Variants in DCP1B observed in about 807,000 individuals in gnomAD.
DCP1B encodes the protein decapping mRNA 1B.
In DCP1B, 47 loss-of-function variants were observed where a neutral mutation model predicts 60.5. The observed-to-expected ratio is 0.78, with a 90% CI of 0.61 to 0.99. The LOEUF is 0.99. Among genes scored for constraint, DCP1B ranks in the 50% least tolerant of loss-of-function variants. The pLI, the probability that DCP1B is intolerant of heterozygous loss-of-function variation, is 0.00. For synonymous variants in DCP1B, 267 were observed against 280.3 expected (o/e 0.95, Z 0.47); for missense variants, 725 against 756.8 (o/e 0.96, Z 0.49).
At position 1,968,410 on chromosome 12, in the gene DCP1B, G is replaced by A. The variant is rs115317082; in HGVS notation, c.320-500C>T. On this transcript the variant is annotated intron_variant, in intron 3 of 8. Transcript: ENST00000280665. ...CCACAGAGAAATCCGTGGTGGTTTTGTGCAAAGACGCGCACCCACACACAT... is the reference window on the plus strand; with the variant it reads ...CCACAGAGAAATCCGTGGTGGTTTTATGCAAAGACGCGCACCCACACACAT... Among the ~76,000 whole-genome samples, 1,134 of 149,630 alleles carry A rather than the reference G, an allele frequency of 7.6e-3. 11 individuals carry two copies. The highest frequency in any genetic ancestry group is 0.026 in the African/African-American group (1,074 of 40,802).
intron 3 of DCP1B, among the ~76,000 whole-genome samples, chr12:1,983,445 G>A (rs1348266209): frequency 6.6e-6 from 1 of 151,884 alleles, no homozygotes; most frequent in African/African-American, 2.4e-5. Context: ...TTGTTATTCA[G>A]TTCAAATGTT....
At chr12:1,941,672 T>C (rs2030282295), downstream of DCP1B, among the ~76,000 whole-genome samples, 1 of 152,222 alleles carries the variant, frequency 6.6e-6, no homozygotes, top group Non-Finnish European at 1.5e-5. Flanking sequence ...GATGGGGTTT[T>C]TGCGTGGACG....
chr12:1,949,068 G>A lies in DCP1B; in HGVS notation c.1773+18C>T, dbSNP rs2030551769. ...ACAGGCGTGGTCAGGTGCGAAGGGA[G>A]ATGACGTGCTTGCTTACCTGAATGA... is the stretch of plus-strand genomic sequence containing the variant. On this transcript the variant is annotated intron_variant, in intron 8 of 8. Transcript: ENST00000280665. The A allele has an allele frequency of 6.2e-7, 1 of 1,606,860 alleles. No individual in the cohort carries two copies. Among genetic ancestry groups the A allele is most frequent in the Non-Finnish European group, 8.5e-7 (1 of 1,174,108 alleles).
intron 3 of DCP1B, among the ~76,000 whole-genome samples, chr12:1,986,161 G>A (rs1238054837): frequency 3.9e-5 from 6 of 152,204 alleles, no homozygotes; most frequent in East Asian, 3.8e-4. Context: ...ACATATACTA[G>A]TCTGAATTTG....
chr12:1,979,658 C>A (rs186094122), intron 3 of DCP1B, among the ~76,000 whole-genome samples: 13 of 152,186 alleles, frequency 8.5e-5, no homozygotes, highest in African/African-American at 2.9e-4. Context: ...TTGGATCATA[C>A]GCTAGTTATA....
chr12:1,959,156 GGAAA>G (rs2031027298), intron 5 of DCP1B, among the ~76,000 whole-genome samples: 2 of 152,234 alleles, frequency 1.3e-5, no homozygotes, highest in South Asian at 4.1e-4. Context: ...AGGAAACAGG[GGAAA>G]AGCTCCCTAA....
intron 5 of DCP1B, among the ~76,000 whole-genome samples, chr12:1,960,201 TTCA>T (rs2154456931): frequency 6.6e-6 from 1 of 152,326 alleles, no homozygotes; most frequent in East Asian, 1.9e-4. Flanking sequence ...TGGAATACTA[TTCA>T]GCCTCAAAAA....
chr12:1,963,653 G>C (rs934156793), intron 5 of DCP1B, among the ~76,000 whole-genome samples: 1 of 152,172 alleles, frequency 6.6e-6, no homozygotes, highest in Non-Finnish European at 1.5e-5. Flanking sequence ...CAGTGTCCTT[G>C]AAGCTGATTT....
At chr12:1,986,394 G>A (rs1304498821) in intron 3 of DCP1B, among the ~76,000 whole-genome samples, 1 of 152,034 alleles carries the variant, frequency 6.6e-6, no homozygotes, top group Admixed American at 6.5e-5. Flanking sequence ...TTTATCTCAG[G>A]GTTTTAGACT....
In DCP1B at chr12:1,993,312, A is replaced by G; in HGVS notation, c.271T>C (p.Leu91=). 1.2e-6 allele frequency: 2 copies of G among 1,614,144 alleles called. No individual in the cohort carries two copies. The highest frequency in any genetic ancestry group is 1.7e-6 in the Non-Finnish European group (2 of 1,179,992). Residue 91 remains leucine (L), a synonymous_variant, in exon 3 of 9, where the codon TTG becomes CTG. Coordinates refer to ENST00000280665, the MANE Select transcript of DCP1B (RefSeq NM_152640.5). ...ENRTEPITKD[L]DFQLQDPFLL... The stretch of plus-strand genomic sequence containing the variant: ...AAAGGGTCCTGGAGTTGGAAATCCA[A>G]GTCTTTAGTAATAGGTTCTGTCCTA...
intron 2 of DCP1B, 152 bp from the exon 3 acceptor site, chr12:1,993,543 G>C (rs2040010865): frequency 1.1e-6 from 1 of 881,108 alleles, no homozygotes; most frequent in African/African-American, 1.7e-5. Flanking sequence ...TTCACCACTG[G>C]CATCATTATG....
rs372532050 is a variant in DCP1B, at chr12:1,995,889, C to T, written c.191+2046G>A. On this transcript the variant is annotated intron_variant, in intron 2 of 8. Transcript: ENST00000280665. ...AACCATCTCCAGCCCTGCCCTTACT[C>T]TGAGGGGCTGGCCACCTCCACCCAA... Among the ~76,000 whole-genome samples, 831 of 152,296 alleles carry T rather than the reference C, an allele frequency of 5.5e-3. 5 individuals are homozygous for T. Among genetic ancestry groups the T allele is most frequent in the African/African-American group, 0.018 (764 of 41,550 alleles).
At chr12:1,942,584 A>C (rs1049607537), downstream of DCP1B, among the ~76,000 whole-genome samples, 2 of 152,222 alleles carry the variant, frequency 1.3e-5, no homozygotes, top group African/African-American at 4.8e-5. Context: ...AAATCATAAC[A>C]AACAGTCTCT....
rs115699159 is a variant in DCP1B, at chr12:1,980,834, G to A, written c.319+12430C>T. ...CAGGGCCAGGAGGAAACAGAGATGT[G>A]GCCTGTTTTCATGTATCATAATTAA... On this transcript the variant is annotated intron_variant, in intron 3 of 8. Coordinates refer to ENST00000280665, the MANE Select transcript of DCP1B (RefSeq NM_152640.5). Among the ~76,000 whole-genome samples, 1,151 of 151,848 alleles carry A rather than the reference G, an allele frequency of 7.6e-3. 11 individuals are homozygous for A. The highest frequency in any genetic ancestry group is 0.026 in the African/African-American group (1,090 of 41,400).
intron 3 of DCP1B, among the ~76,000 whole-genome samples, chr12:1,976,808 G>A (rs750790592): frequency 9.2e-5 from 13 of 141,686 alleles, no homozygotes; most frequent in Non-Finnish European, 2.0e-4. Flanking sequence ...ACAATGTCTG[G>A]CACACAGCAG....
At chr12:2,004,123 G>T in intron 1 of DCP1B, 159 bp downstream of exon 1, 1 of 818,116 alleles carries the variant, frequency 1.2e-6, no homozygotes, top group Non-Finnish European at 1.8e-6. Context: ...CCAAACCCCC[G>T]AGACCCCATC....
chr12:1,955,086 G>A (rs2030832151), intron 6 of DCP1B, among the ~76,000 whole-genome samples: 1 of 152,016 alleles, frequency 6.6e-6, no homozygotes, highest in African/African-American at 2.4e-5. Context: ...CAAACTTCTG[G>A]CCTCAAATGA....
chr12:1,962,182 C>T lies in DCP1B; in HGVS notation c.522+3376G>A, dbSNP rs1025759750. On this transcript the variant is annotated intron_variant, in intron 5 of 8. Coordinates refer to ENST00000280665, the MANE Select transcript of DCP1B (RefSeq NM_152640.5). This position sits in a 1 kb window ranked among gnomAD's most constrained non-coding sequence, Gnocchi z 4.4. ...CAGGCTCTAAACTGTATGAGTGGTC[C>T]CCAGTTGCTGGGTACCTGGCCCTGG... is the stretch of plus-strand genomic sequence containing the variant. Among the ~76,000 whole-genome samples the T allele has an allele frequency of 6.6e-6, 1 of 152,094 alleles. No individual in the cohort carries two copies. Among genetic ancestry groups the T allele is most frequent in the Non-Finnish European group, 1.5e-5 (1 of 68,030 alleles).
chr12:1,943,447 A>T (rs985949621), downstream of DCP1B, among the ~76,000 whole-genome samples: 2 of 152,246 alleles, frequency 1.3e-5, no homozygotes, highest in Admixed American at 1.3e-4. Context: ...TGAGGCCAGC[A>T]TCATCTTGAT....
Sources: allele counts gnomAD v4.1 joint callset (sites outside exome capture counted in the v4.1 genomes callset), GRCh38; gene constraint gnomAD v4.1.1; non-coding constraint Gnocchi (gnomAD v3.1); transcripts MANE v1.5; gene names NCBI Gene and HGNC (gene_info 2026-07-23, HGNC 2026-07-21).